Variants in CNTNAP2 observed in about 807,000 individuals in gnomAD.
The protein encoded by CNTNAP2 is contactin-associated protein-like 2.
Under a neutral mutation model 155.2 loss-of-function variants are expected in CNTNAP2, and 98 were observed. That is an observed-to-expected ratio of 0.63 (90% confidence interval 0.54 to 0.75). The LOEUF is 0.75. Among genes scored for constraint, CNTNAP2 ranks in the 30% least tolerant of loss-of-function variants. CNTNAP2 has a pLI of 0.00. For missense variants in CNTNAP2, 1,727 were observed against 1,688.1 expected (o/e 1.02, Z -0.40); for synonymous variants, 651 against 631.2 (o/e 1.03, Z -0.47).
At chr7:147,085,163 A>G (rs1411664659) in intron 4 of CNTNAP2, among the ~76,000 whole-genome samples, 1 of 152,188 alleles carries the variant, frequency 6.6e-6, no homozygotes, top group African/African-American at 2.4e-5. Context: ...GATGAAAATT[A>G]TAGCATCTTT....
In CNTNAP2 at chr7:146,395,808, GATAGATAGATAGATAGAGGAGAGA is replaced by G. The variant is rs1563068343; in HGVS notation, c.97+278836_97+278859del. Reference sequence around the variant, plus strand: ...AGATAGATAGATAGATAGATAGATAGATAGATAGATAGATAGAGGAGAGAGAGAGAGAGAGAGAGAGAGAGAGAT... The same window carrying G: ...AGATAGATAGATAGATAGATAGATAGGAGAGAGAGAGAGAGAGAGAGAGAT... On this transcript the variant is annotated intron_variant, in intron 1 of 23. Transcript: ENST00000361727. 4.6e-3 allele frequency among the ~76,000 whole-genome samples: 627 copies of G among 136,044 alleles called. 5 individuals are homozygous for G. The highest frequency in any genetic ancestry group is 0.021 in the African/African-American group (592 of 28,012). The allele number at this position is 136,044 out of a possible 152,430, so 89.3% of individuals were successfully genotyped here.
At chr7:148,203,718 G>A (rs969491795) in intron 18 of CNTNAP2, among the ~76,000 whole-genome samples, 3 of 152,052 alleles carry the variant, frequency 2.0e-5, no homozygotes, top group African/African-American at 2.4e-5. Flanking sequence ...CAGCCTGGGT[G>A]GCCCAGCGAG....
chr7:146,482,639 A>T (rs1796979644), intron 1 of CNTNAP2, among the ~76,000 whole-genome samples: 1 of 151,916 alleles, frequency 6.6e-6, no homozygotes, highest in African/African-American at 2.4e-5. Flanking sequence ...GCTACTCGGG[A>T]GGTTGAGGCA....
intron 13 of CNTNAP2, among the ~76,000 whole-genome samples, chr7:147,668,571 T>C (rs2116962597): frequency 6.6e-6 from 1 of 152,084 alleles, no homozygotes; most frequent in East Asian, 1.9e-4. Flanking sequence ...GGCTACTGTG[T>C]GTGTTTGGGT....
chr7:147,554,965 AT>A (rs1176899810), intron 11 of CNTNAP2, among the ~76,000 whole-genome samples: 1 of 152,216 alleles, frequency 6.6e-6, no homozygotes, highest in African/African-American at 2.4e-5. Context: ...TGGTCCTAGA[AT>A]TAGAGAGCTT....
rs185329173 is a variant in CNTNAP2, at chr7:148,076,069, A to G, written c.2384-42049A>G. Among the ~76,000 whole-genome samples, 9 of 152,356 alleles carry G rather than the reference A, an allele frequency of 5.9e-5. No homozygotes were observed. In the East Asian group the frequency reaches 1.7e-3, roughly 29 times the overall value. ...AATGAATATAAATGATAAATCACAT[A>G]ATCTGATGTAATGAAAGACTTAAGT... is the stretch of plus-strand genomic sequence containing the variant. On this transcript the variant is annotated intron_variant, in intron 15 of 23. Transcript: ENST00000361727.
chr7:146,531,839 C>T (rs550313888), intron 1 of CNTNAP2, among the ~76,000 whole-genome samples: 14 of 152,224 alleles, frequency 9.2e-5, no homozygotes, highest in East Asian at 1.9e-4. Flanking sequence ...GCCACCATGC[C>T]GGCCCTATAG....
chr7:146,860,467 G>C (rs569348930), intron 3 of CNTNAP2, among the ~76,000 whole-genome samples: 1 of 152,254 alleles, frequency 6.6e-6, no homozygotes, highest in South Asian at 2.1e-4. Flanking sequence ...ATCCTGCTAT[G>C]TGGCAGGCAG....
intron 21 of CNTNAP2, among the ~76,000 whole-genome samples, chr7:148,369,203 T>TG: frequency 1.5e-5 from 2 of 133,104 alleles, no homozygotes; most frequent in Non-Finnish European, 3.2e-5. Flanking sequence ...TTTTTTTTTT[T>TG]TTTTTTTTGT....
intron 1 of CNTNAP2, among the ~76,000 whole-genome samples, chr7:146,629,926 C>T (rs1195996172): frequency 6.6e-6 from 1 of 151,930 alleles, no homozygotes; most frequent in Non-Finnish European, 1.5e-5. Flanking sequence ...ATGGGGTATA[C>T]ACTGGATAGT....
At chr7:148,289,496 C>G (rs1193574083) in intron 21 of CNTNAP2, among the ~76,000 whole-genome samples, 1 of 149,654 alleles carries the variant, frequency 6.7e-6, no homozygotes, top group Non-Finnish European at 1.5e-5. Flanking sequence ...CCAATAAACA[C>G]CAACTTACTT....
intron 1 of CNTNAP2, among the ~76,000 whole-genome samples, chr7:146,532,914 C>A (rs1337005734): frequency 6.6e-6 from 1 of 151,614 alleles, no homozygotes; most frequent in Non-Finnish European, 1.5e-5. Flanking sequence ...GAAACCCCAT[C>A]TCTACTAAAA....
At chr7:147,986,889 G>A (rs2116877044) in intron 15 of CNTNAP2, among the ~76,000 whole-genome samples, 1 of 151,574 alleles carries the variant, frequency 6.6e-6, no homozygotes, top group South Asian at 2.1e-4. Flanking sequence ...GTGTGTGTGT[G>A]TGTGTGTGTG....
intron 13 of CNTNAP2, among the ~76,000 whole-genome samples, chr7:147,778,420 T>C (rs1797619266): frequency 6.6e-6 from 1 of 152,224 alleles, no homozygotes. Context: ...CTGAGGAACA[T>C]ATAAAATGTT....
chr7:146,941,352 G>C (rs1797052289), intron 3 of CNTNAP2, among the ~76,000 whole-genome samples: 2 of 151,910 alleles, frequency 1.3e-5, no homozygotes, highest in Non-Finnish European at 2.9e-5. Flanking sequence ...ACTTATCTTT[G>C]ATCACAAAAA....
chr7:147,710,806 A>G (rs1302147726), intron 13 of CNTNAP2, among the ~76,000 whole-genome samples: 1 of 152,174 alleles, frequency 6.6e-6, no homozygotes, highest in East Asian at 1.9e-4. Flanking sequence ...GTATGCTAAA[A>G]AGTAGGTTTA....
chr7:146,849,654 G>T (rs1794835406), intron 3 of CNTNAP2, among the ~76,000 whole-genome samples: 1 of 152,100 alleles, frequency 6.6e-6, no homozygotes, highest in South Asian at 2.1e-4. Flanking sequence ...TGCGATTTTT[G>T]TGAGAAATAA....
At chr7:147,728,385 A>G (rs1185461027) in intron 13 of CNTNAP2, among the ~76,000 whole-genome samples, 1 of 152,038 alleles carries the variant, frequency 6.6e-6, no homozygotes, top group Non-Finnish European at 1.5e-5. Flanking sequence ...ATTATTTTGG[A>G]AAAAGAGGAT....
At chr7:146,189,605 T>A (rs1798673328) in intron 1 of CNTNAP2, among the ~76,000 whole-genome samples, 2 of 152,190 alleles carry the variant, frequency 1.3e-5, no homozygotes, top group African/African-American at 4.8e-5. Flanking sequence ...GATTTAAGAA[T>A]TTAGACATTG....
Sources: allele counts gnomAD v4.1 joint callset (sites outside exome capture counted in the v4.1 genomes callset), GRCh38; gene constraint gnomAD v4.1.1; transcripts MANE v1.5; gene names NCBI Gene and HGNC (gene_info 2026-07-23, HGNC 2026-07-21).